Variants in ZFAND6 observed in about 807,000 individuals in gnomAD.
ZFAND6 encodes zinc finger AN1-type containing 6.
A neutral mutation model predicts 24.5 loss-of-function variants in ZFAND6; 12 were observed. The ratio of observed to expected loss-of-function variants is 0.49; its 90% CI spans 0.31 to 0.79. The LOEUF is 0.79. Ranked by LOEUF, ZFAND6 falls within the 30% of genes least tolerant of loss-of-function variation. ZFAND6 has a pLI of 0.04. For synonymous variants in ZFAND6, 92 were observed against 81.5 expected, an observed-to-expected ratio of 1.13 and a Z score of -0.69; for missense variants, 207 against 245.9, an observed-to-expected ratio of 0.84 and a Z score of 1.06.
chr15:80,091,246 G>T (rs1318711865), intron 1 of ZFAND6, among the ~76,000 whole-genome samples: 1 of 151,958 alleles, frequency 6.6e-6, no homozygotes, highest in Non-Finnish European at 1.5e-5. Context: ...ATCAGAATGG[G>T]GTGAGAAGGA....
At chr15:80,065,763 T>G (rs2141788847) in intron 1 of ZFAND6, among the ~76,000 whole-genome samples, 1 of 152,026 alleles carries the variant, frequency 6.6e-6, no homozygotes, top group Admixed American at 6.6e-5. Context: ...CAAGCTGGTC[T>G]CGAACCCCTG....
At chr15:80,065,733 T>G (rs936090859) in intron 1 of ZFAND6, among the ~76,000 whole-genome samples, 3 of 151,534 alleles carry the variant, frequency 2.0e-5, no homozygotes, top group Admixed American at 6.6e-5. Context: ...TTAGTAGAGA[T>G]AGGGTTTCAT....
intron 1 of ZFAND6, among the ~76,000 whole-genome samples, chr15:80,074,773 C>T (rs1205032312): frequency 6.6e-6 from 1 of 151,910 alleles, no homozygotes; most frequent in Non-Finnish European, 1.5e-5. Context: ...ATTATGTATA[C>T]TTTTACTAGC....
At chr15:80,125,313 C>T (rs1290187076) in intron 5 of ZFAND6, among the ~76,000 whole-genome samples, 1 of 152,120 alleles carries the variant, frequency 6.6e-6, no homozygotes. Flanking sequence ...TTTCTTCTTC[C>T]TCACTCCATA....
At chr15:80,097,276 A>G (rs1306051339) in intron 1 of ZFAND6, among the ~76,000 whole-genome samples, 5 of 152,078 alleles carry the variant, frequency 3.3e-5, no homozygotes, top group South Asian at 2.1e-4. Context: ...CTGGGATTAT[A>G]GGTGTGAGCC....
At chr15:80,104,089 G>A (rs74454310) in intron 2 of ZFAND6, among the ~76,000 whole-genome samples, 3 of 152,074 alleles carry the variant, frequency 2.0e-5, no homozygotes, top group African/African-American at 4.8e-5. Flanking sequence ...CAATCCTCTC[G>A]CCTTGGTCTC....
chr15:80,090,820 A>G (rs1374530567), intron 1 of ZFAND6, among the ~76,000 whole-genome samples: 1 of 152,230 alleles, frequency 6.6e-6, no homozygotes, highest in African/African-American at 2.4e-5. Context: ...GGAGCCATGT[A>G]TCTTCAGGCA....
chr15:80,099,472 T>C (rs1329821943), intron 2 of ZFAND6, among the ~76,000 whole-genome samples: 1 of 152,218 alleles, frequency 6.6e-6, no homozygotes, highest in Admixed American at 6.5e-5. Context: ...AGGAATGTTA[T>C]GCAGTGTATG....
chr15:80,091,600 C>T (rs537588670), intron 1 of ZFAND6, among the ~76,000 whole-genome samples: 16 of 152,028 alleles, frequency 1.1e-4, no homozygotes, highest in African/African-American at 3.4e-4. Flanking sequence ...TTCTTCATCT[C>T]TAATAACAGA....
At chr15:80,106,983 T>A (rs1596277668) in intron 2 of ZFAND6, among the ~76,000 whole-genome samples, 1 of 151,936 alleles carries the variant, frequency 6.6e-6, no homozygotes, top group East Asian at 1.9e-4. Flanking sequence ...GAGGCTGAGG[T>A]GGGTGGATCA....
intron 1 of ZFAND6, among the ~76,000 whole-genome samples, chr15:80,076,843 C>T: frequency 6.6e-6 from 1 of 151,854 alleles, no homozygotes. Flanking sequence ...TTTGTAATTC[C>T]TTCTTCTAAG....
Position 80,073,903 on chromosome 15 carries a change from G to A in ZFAND6, c.-181+14094G>A, listed in dbSNP as rs145500156. On this transcript the variant is annotated intron_variant, in intron 1 of 6. Transcript: ENST00000261749. ...TTTTCGTCATTTTTAATAGTATTGC[G>A]TTGAACACACCTGTGTGTAGCTGTA... Among the ~76,000 whole-genome samples the A allele has an allele frequency of 4.2e-4, 64 of 151,850 alleles. No individual in the cohort carries two copies. The East Asian group carries it at 8.3e-3, about 20-fold the overall frequency.
At chr15:80,067,718 A>G (rs924217537) in intron 1 of ZFAND6, among the ~76,000 whole-genome samples, 1 of 152,196 alleles carries the variant, frequency 6.6e-6, no homozygotes, top group Non-Finnish European at 1.5e-5. Flanking sequence ...TTCTGCAATA[A>G]TAGATACTTA....
At chr15:80,129,891 T>TA (rs2040520830) in intron 5 of ZFAND6, 1 of 152,176 alleles carries the variant, frequency 6.6e-6, no homozygotes. Flanking sequence ...AAGCACAACT[T>TA]ATACAAGAGC....
intron 2 of ZFAND6, among the ~76,000 whole-genome samples, chr15:80,108,617 G>A (rs11629966): frequency 0.82 from 125,369 of 152,186 alleles, 51,723 homozygotes; most frequent in Admixed American, 0.88. Context: ...TTTACTAATA[G>A]AATTACTGTT....
At chr15:80,068,556 G>C (rs2036792710) in intron 1 of ZFAND6, among the ~76,000 whole-genome samples, 1 of 152,182 alleles carries the variant, frequency 6.6e-6, no homozygotes, top group Non-Finnish European at 1.5e-5. Context: ...ATTTTAAGTA[G>C]AGACTGGGTT....
chr15:80,084,156 A>G (rs1286394733), intron 1 of ZFAND6, among the ~76,000 whole-genome samples: 1 of 152,196 alleles, frequency 6.6e-6, no homozygotes, highest in African/African-American at 2.4e-5. Context: ...GATCAGGGTT[A>G]GGCATGATTA....
intron 1 of ZFAND6, among the ~76,000 whole-genome samples, chr15:80,086,751 C>G (rs942415666): frequency 2.0e-5 from 3 of 152,168 alleles, no homozygotes; most frequent in African/African-American, 7.2e-5. Flanking sequence ...ATAACTATTA[C>G]CACTTTCCAT....
intron 1 of ZFAND6, chr15:80,075,234 C>A: frequency 5.5e-6 from 1 of 183,434 alleles, no homozygotes; most frequent in Non-Finnish European, 1.2e-5. Context: ...ATTTCTATCA[C>A]AAATATTGGT....
Sources: gnomAD v4.1 joint callset for allele counts (sites outside exome capture counted in the v4.1 genomes callset) on GRCh38, gnomAD v4.1.1 for gene constraint, MANE v1.5 for transcripts, NCBI Gene and HGNC (gene_info 2026-07-23, HGNC 2026-07-21) for gene names.